Variants in CNOT6 observed in about 807,000 individuals in gnomAD.
CNOT6 encodes the protein carbon catabolite repression 4 protein.
In CNOT6, 12 loss-of-function variants were observed where a neutral mutation model predicts 61.2. The observed-to-expected ratio is 0.20, with a 90% CI of 0.13 to 0.32. The LOEUF (loss-of-function observed/expected upper bound fraction) is 0.32, where lower values mean the gene tolerates loss of function less well. Ranked by LOEUF, CNOT6 falls within the 10% of genes least tolerant of loss-of-function variation. The probability of loss-of-function intolerance (pLI) is 1.00; values close to 1 mark genes in which losing one functional copy is unlikely to be tolerated. For synonymous variants in CNOT6, 225 were observed against 240.6 expected, an observed-to-expected ratio of 0.94 and a Z score of 0.60; for missense variants, 405 against 663.9, an observed-to-expected ratio of 0.61 and a Z score of 4.28.
rs1761094901 is a variant in CNOT6 at position 180,578,268 on chromosome 5, C to T, written c.*4068C>T. On this transcript the variant is annotated 3_prime_UTR_variant, in exon 12 of 12. Transcript: ENST00000261951. ...GATTTTCGTTGTTGTTACCTTATAC[C>T]TCATGATATAAGGAATGGGCTCATG... is the stretch of plus-strand genomic sequence containing the variant. The T allele has an allele frequency of 1.3e-5, 2 of 152,542 alleles. No individual in the cohort carries two copies. The highest frequency in any genetic ancestry group is 1.3e-4 in the Admixed American group (2 of 15,264). The allele number at this position is 152,542 out of a possible 1,614,324, so 9.4% of individuals were successfully genotyped here.
intron 2 of CNOT6, among the ~76,000 whole-genome samples, chr5:180,532,360 T>G (rs561410150): frequency 6.6e-6 from 1 of 152,176 alleles, no homozygotes; most frequent in Non-Finnish European, 1.5e-5. Flanking sequence ...GAGATACATC[T>G]CTGAGGCTGA....
intron 2 of CNOT6, among the ~76,000 whole-genome samples, chr5:180,539,173 C>CAA (rs56032920): frequency 0.32 from 29,999 of 92,910 alleles, 5,293 homozygotes; most frequent in Middle Eastern, 0.49. Flanking sequence ...GACTCCATCT[C>CAA]AAAAAAAAAA....
intron 4 of CNOT6, among the ~76,000 whole-genome samples, chr5:180,558,385 T>C (rs1478610094): frequency 2.6e-5 from 4 of 152,026 alleles, no homozygotes; most frequent in African/African-American, 9.7e-5. Context: ...AGTGAGACCT[T>C]GGGCGGTTAG....
intron 4 of CNOT6, among the ~76,000 whole-genome samples, chr5:180,561,559 AC>A (rs1760189523): frequency 6.6e-6 from 1 of 150,516 alleles, no homozygotes; most frequent in Non-Finnish European, 1.5e-5. Flanking sequence ...TTGAAACTGG[AC>A]TCACTCATGT....
In CNOT6 at chr5:180,574,273, T is replaced by C. The variant is rs1760913219; in HGVS notation, c.*73T>C. On this transcript the variant is annotated 3_prime_UTR_variant, in exon 12 of 12. Coordinates refer to ENST00000261951, the MANE Select transcript of CNOT6 (RefSeq NM_001370472.1). Reference sequence around the variant, plus strand: ...AATCTGAACATAGGGGAGTGAGGTATGGCCACTGAGGATTTTTGCTTGCTT... The same window carrying C: ...AATCTGAACATAGGGGAGTGAGGTACGGCCACTGAGGATTTTTGCTTGCTT... 1 of 1,244,886 alleles carries C rather than the reference T, an allele frequency of 8.0e-7. No homozygotes were observed. The highest frequency in any genetic ancestry group is 2.3e-5 in the East Asian group (1 of 43,046). 77.1% of individuals were successfully genotyped at this position (1,244,886 alleles called of 1,614,324 possible).
chr5:180,555,601 A>G (rs998203975), intron 4 of CNOT6, among the ~76,000 whole-genome samples: 5 of 152,140 alleles, frequency 3.3e-5, no homozygotes, highest in Non-Finnish European at 5.9e-5. Context: ...GAGCTTTTGC[A>G]GTTTACACTT....
At chr5:180,513,783 AG>A (rs1331443380) in intron 1 of CNOT6, among the ~76,000 whole-genome samples, 8 of 151,334 alleles carry the variant, frequency 5.3e-5, no homozygotes, top group Non-Finnish European at 1.0e-4. Flanking sequence ...GCTCACTGCA[AG>A]CTCCGCCTCC....
In CNOT6 at chr5:180,502,114, T is replaced by A. The variant is rs72811143; in HGVS notation, c.-3+7351T>A. Among the ~76,000 whole-genome samples the A allele has an allele frequency of 2.0e-5, 3 of 152,194 alleles. No individual in the cohort carries two copies. In the South Asian group the frequency reaches 6.2e-4, roughly 31 times the overall value. On this transcript the variant is annotated intron_variant, in intron 1 of 11. Coordinates refer to ENST00000261951, the MANE Select transcript of CNOT6 (RefSeq NM_001370472.1). ...GGTCGAGAGAAGGTAGGCACCTGTGTTAGTCACCAGCTTTGTTTCCTTAAG... is the reference window on the plus strand; with the variant it reads ...GGTCGAGAGAAGGTAGGCACCTGTGATAGTCACCAGCTTTGTTTCCTTAAG...
chr5:180,547,957 C>T (rs1318763843), intron 2 of CNOT6, among the ~76,000 whole-genome samples: 2 of 152,214 alleles, frequency 1.3e-5, no homozygotes, highest in East Asian at 3.9e-4. Context: ...TGGTCTTGAA[C>T]TCCTGACTTC....
At chr5:180,547,221 G>T (rs200738172) in intron 2 of CNOT6, among the ~76,000 whole-genome samples, 1 of 151,138 alleles carries the variant, frequency 6.6e-6, no homozygotes, top group Non-Finnish European at 1.5e-5. Context: ...TTTCCTTACA[G>T]TAAAGTTTTT....
At chr5:180,535,272 T>C (rs956168386) in intron 2 of CNOT6, among the ~76,000 whole-genome samples, 2 of 152,252 alleles carry the variant, frequency 1.3e-5, no homozygotes, top group Admixed American at 6.5e-5. Flanking sequence ...ATTGCCCTAA[T>C]AGTGAACATT....
chr5:180,574,442 A>G lies in CNOT6; in HGVS notation c.*242A>G, dbSNP rs1016949535. 3.6e-6 allele frequency: 2 copies of G among 548,764 alleles called. No homozygotes were observed. The highest frequency in any genetic ancestry group is 6.5e-6 in the Non-Finnish European group (2 of 306,476). The allele number at this position is 548,764 out of a possible 1,614,324, so 34.0% of individuals were successfully genotyped here. On this transcript the variant is annotated 3_prime_UTR_variant, in exon 12 of 12. Transcript: ENST00000261951. ...TGTTTGCACCTGTCTTTCATTTGTC[A>G]TAAGAGATTTTCCTATTTCTTCTAC...
chr5:180,571,952 G>A (rs1482791651), intron 11 of CNOT6, among the ~76,000 whole-genome samples: 2 of 124,332 alleles, frequency 1.6e-5, no homozygotes, highest in Admixed American at 1.6e-4. Flanking sequence ...TAATTTTCAG[G>A]ATAAGAAGTC....
intron 2 of CNOT6, among the ~76,000 whole-genome samples, chr5:180,549,473 C>G (rs548369712): frequency 2.0e-5 from 3 of 151,978 alleles, no homozygotes; most frequent in Non-Finnish European, 2.9e-5. Context: ...CACCGTGAAA[C>G]CCCGTCTCTA....
intron 2 of CNOT6, among the ~76,000 whole-genome samples, chr5:180,535,618 C>T (rs769311204): frequency 3.9e-5 from 6 of 152,196 alleles, no homozygotes; most frequent in Admixed American, 6.5e-5. Context: ...CTACAATACA[C>T]GAGTGCAGGT....
chr5:180,504,731 G>A lies in CNOT6; in HGVS notation c.-3+9968G>A, dbSNP rs971971598. On this transcript the variant is annotated intron_variant, in intron 1 of 11. Transcript: ENST00000261951. The stretch of plus-strand genomic sequence containing the variant: ...TTGACTTAATACCTTACATTAGTGG[G>A]CAGACTTTAAAGAGATTTGCGGAAC... Among the ~76,000 whole-genome samples, 14 of 152,106 alleles carry A rather than the reference G, an allele frequency of 9.2e-5. 1 individual carries two copies. The highest frequency in any genetic ancestry group is 5.2e-4 in the Admixed American group (8 of 15,270).
intron 2 of CNOT6, among the ~76,000 whole-genome samples, chr5:180,538,903 C>G (rs1265753950): frequency 2.0e-5 from 3 of 151,016 alleles, no homozygotes; most frequent in South Asian, 2.1e-4. Flanking sequence ...TGTCTGGGTA[C>G]GGTAGCTTAC....
intron 10 of CNOT6, among the ~76,000 whole-genome samples, chr5:180,569,877 G>T (rs1448526531): frequency 2.0e-5 from 3 of 152,166 alleles, no homozygotes; most frequent in Non-Finnish European, 1.5e-5. Flanking sequence ...GATCTGGAGC[G>T]CTCTTTCCGT....
intron 2 of CNOT6, among the ~76,000 whole-genome samples, chr5:180,547,517 G>T (rs1561653448): frequency 6.6e-6 from 1 of 151,166 alleles, no homozygotes; most frequent in Non-Finnish European, 1.5e-5. Context: ...GAGACTCCAT[G>T]AAAAAAAAGA....
Sources: gnomAD v4.1 joint callset for allele counts (sites outside exome capture counted in the v4.1 genomes callset) on GRCh38, gnomAD v4.1.1 for gene constraint, MANE v1.5 for transcripts, NCBI Gene and HGNC (gene_info 2026-07-23, HGNC 2026-07-21) for gene names.